FOXP2: variants seen among roughly 807,000 people sequenced by gnomAD.
The protein encoded by FOXP2 is forkhead box protein P2.
A neutral mutation model predicts 115.8 loss-of-function variants in FOXP2; 12 were observed. The ratio of observed to expected loss-of-function variants is 0.10; its 90% CI spans 0.07 to 0.17. FOXP2 has a LOEUF of 0.17. FOXP2 is among the 10% of genes least tolerant of loss of function. The pLI, the probability that FOXP2 is intolerant of heterozygous loss-of-function variation, is 1.00. For missense variants in FOXP2, 629 were observed against 843.5 expected (o/e 0.75, Z 3.15); for synonymous variants, 328 against 297.7 (o/e 1.10, Z -1.05).
At chr7:114,303,968 T>C (rs1796940822) in intron 2 of FOXP2, among the ~76,000 whole-genome samples, 1 of 152,118 alleles carries the variant, frequency 6.6e-6, no homozygotes, top group Non-Finnish European at 1.5e-5. Flanking sequence ...TTTAAGTATA[T>C]TGATGAGAAT....
intron 2 of FOXP2, among the ~76,000 whole-genome samples, chr7:114,289,602 A>G (rs943206519): frequency 2.0e-5 from 3 of 152,028 alleles, no homozygotes; most frequent in South Asian, 2.1e-4. Flanking sequence ...TGATCTAACA[A>G]TGAACCAGGA....
intron 2 of FOXP2, among the ~76,000 whole-genome samples, chr7:114,365,047 C>T (rs1037443183): frequency 2.0e-5 from 3 of 152,178 alleles, no homozygotes; most frequent in Non-Finnish European, 4.4e-5. Context: ...CTCATCTAAT[C>T]ATGCTGTATC....
chr7:114,603,202 A>G (rs1211247046), intron 3 of FOXP2, among the ~76,000 whole-genome samples: 2 of 152,196 alleles, frequency 1.3e-5, no homozygotes, highest in Non-Finnish European at 2.9e-5. Flanking sequence ...AGGTGCAAAG[A>G]CATCAGAGTT....
At chr7:114,107,985 C>A (rs1480069094) in intron 1 of FOXP2, among the ~76,000 whole-genome samples, 1 of 151,748 alleles carries the variant, frequency 6.6e-6, no homozygotes, top group Admixed American at 6.6e-5. Flanking sequence ...AATTTAGCTA[C>A]CATTGAAAGT....
intron 2 of FOXP2, among the ~76,000 whole-genome samples, chr7:114,335,760 T>C (rs1797837691): frequency 6.6e-6 from 1 of 151,864 alleles, no homozygotes; most frequent in Non-Finnish European, 1.5e-5. Flanking sequence ...GGTGTGTGAT[T>C]TCAACTACCA....
intron 1 of FOXP2, among the ~76,000 whole-genome samples, chr7:114,139,068 G>A (rs1792130435): frequency 6.6e-6 from 1 of 152,082 alleles, no homozygotes; most frequent in Admixed American, 6.6e-5. Context: ...GGGGTTACAG[G>A]GGGCAGGGAC....
intron 3 of FOXP2, among the ~76,000 whole-genome samples, chr7:114,556,287 A>G (rs1800449391): frequency 6.6e-6 from 1 of 152,156 alleles, no homozygotes; most frequent in Admixed American, 6.5e-5. Context: ...TATATGCTAC[A>G]TGCAGTCTCT....
At chr7:114,480,646 T>G (rs1796488302) in intron 2 of FOXP2, among the ~76,000 whole-genome samples, 1 of 150,552 alleles carries the variant, frequency 6.6e-6, no homozygotes, top group South Asian at 2.1e-4. Context: ...TGTATATGCA[T>G]ATGTGTGTAT....
chr7:114,187,032 T>G (rs2129156457), intron 1 of FOXP2, among the ~76,000 whole-genome samples: 1 of 152,326 alleles, frequency 6.6e-6, no homozygotes, highest in African/African-American at 2.4e-5. Context: ...CTGGAAAATC[T>G]CCAAGATGCT....
At chr7:114,375,178 A>G (rs1311916467) in intron 2 of FOXP2, among the ~76,000 whole-genome samples, 1 of 152,246 alleles carries the variant, frequency 6.6e-6, no homozygotes, top group African/African-American at 2.4e-5. Context: ...CAGTTTATAC[A>G]GCATCATTAA....
intron 2 of FOXP2, among the ~76,000 whole-genome samples, chr7:114,353,054 G>GT (rs1392294024): frequency 4.6e-5 from 7 of 151,936 alleles, no homozygotes; most frequent in African/African-American, 1.7e-4. Flanking sequence ...AATGGGATAG[G>GT]TTTTCTTCAT....
At chr7:114,240,723 T>G (rs949216038) in intron 1 of FOXP2, among the ~76,000 whole-genome samples, 1 of 152,046 alleles carries the variant, frequency 6.6e-6, no homozygotes, top group Non-Finnish European at 1.5e-5. Flanking sequence ...TTTCAAAGTT[T>G]AAACTGTTCT....
At chr7:114,274,603 CTTTTTT>C (rs71157577) in intron 1 of FOXP2, among the ~76,000 whole-genome samples, 20 of 42,568 alleles carry the variant, frequency 4.7e-4, no homozygotes, top group African/African-American at 1.7e-3. Flanking sequence ...CCTCTCAAAG[CTTTTTT>C]TTTTTTTTTT....
Position 114,659,686 on chromosome 7 carries a change from C to A in FOXP2, c.1647+13C>A. ...AGCAACTTGGAAGGTAACTACTTTT[C>A]CAGCAGTTTTAAGATGCCTACCACA... On this transcript the variant is annotated intron_variant, in intron 13 of 16. Coordinates refer to ENST00000350908, the MANE Select transcript of FOXP2 (RefSeq NM_014491.4). The A allele has an allele frequency of 6.2e-7, 1 of 1,607,422 alleles. No homozygotes were observed. Among genetic ancestry groups the A allele is most frequent in the Middle Eastern group, 1.7e-4 (1 of 6,048 alleles).
intron 3 of FOXP2, among the ~76,000 whole-genome samples, chr7:114,572,325 G>T (rs1801347830): frequency 2.0e-5 from 3 of 151,440 alleles, no homozygotes. Context: ...GAAATTACCT[G>T]GTTTGTGGCC....
At chr7:114,575,427 A>G (rs889783270) in intron 3 of FOXP2, among the ~76,000 whole-genome samples, 7 of 151,878 alleles carry the variant, frequency 4.6e-5, no homozygotes, top group Admixed American at 2.6e-4. Context: ...GGGGCATTGG[A>G]CATTGTACCT....
At chr7:114,216,856 G>C (rs953853820) in intron 1 of FOXP2, among the ~76,000 whole-genome samples, 2 of 152,046 alleles carry the variant, frequency 1.3e-5, no homozygotes, top group African/African-American at 4.8e-5. Context: ...CTAATGTCTG[G>C]TTTTATCCAA....
intron 3 of FOXP2, among the ~76,000 whole-genome samples, chr7:114,609,358 A>G (rs940915679): frequency 3.3e-5 from 5 of 152,178 alleles, no homozygotes; most frequent in African/African-American, 9.6e-5. Flanking sequence ...TGATCGTTCC[A>G]TGCTTAATAT....
chr7:114,590,888 G>A (rs970105666), intron 3 of FOXP2, among the ~76,000 whole-genome samples: 10 of 152,002 alleles, frequency 6.6e-5, no homozygotes, highest in African/African-American at 2.4e-4. Context: ...TTTAATAAAG[G>A]ATAATGTGAT....
Sources: allele counts gnomAD v4.1 joint callset (sites outside exome capture counted in the v4.1 genomes callset), GRCh38; gene constraint gnomAD v4.1.1; transcripts MANE v1.5; gene names NCBI Gene and HGNC (gene_info 2026-07-23, HGNC 2026-07-21).